SPG7: variants seen among roughly 807,000 people sequenced by gnomAD.
The protein encoded by SPG7 is SPG7 matrix AAA peptidase subunit, paraplegin, also known as mitochondrial inner membrane m-AAA protease component paraplegin.
In SPG7, 103 loss-of-function variants were observed where a neutral mutation model predicts 81.9. The ratio of observed to expected loss-of-function variants is 1.26; its 90% CI spans 1.07 to 1.48. The LOEUF is 1.48. Among genes scored for constraint, SPG7 ranks in the 40% most tolerant of loss-of-function variants. The pLI, the probability that SPG7 is intolerant of heterozygous loss-of-function variation, is 0.00. For synonymous variants in SPG7, 534 were observed against 444.2 expected (o/e 1.20, Z -2.54); for missense variants, 1,241 against 1,087.3 (o/e 1.14, Z -1.99).
At chr16:89,515,371 C>T (rs575074886) in intron 3 of SPG7, among the ~76,000 whole-genome samples, 1 of 151,576 alleles carries the variant, frequency 6.6e-6, no homozygotes, top group African/African-American at 2.4e-5. Flanking sequence ...TGAGTTCAAG[C>T]GATTCTCCTG....
intron 2 of SPG7, among the ~76,000 whole-genome samples, chr16:89,512,603 G>A (rs923011149): frequency 2.6e-5 from 4 of 152,212 alleles, no homozygotes; most frequent in Admixed American, 6.5e-5. Flanking sequence ...GAGCCACCAC[G>A]CCTGGCGTGT....
intron 6 of SPG7, chr16:89,530,321 AT>A (rs34909279): frequency 2.9e-6 from 1 of 339,980 alleles, no homozygotes; most frequent in Non-Finnish European, 5.7e-6. Flanking sequence ...ATTTTTTTGT[AT>A]TTTTGGTAGA....
rs1319347094 is a variant in SPG7 at position 89,508,450 on chromosome 16, C to T, written c.33C>T (p.Leu11=). The T allele has an allele frequency of 1.3e-5, 19 of 1,503,216 alleles. No homozygotes were observed. Among genetic ancestry groups the T allele is most frequent in the Non-Finnish European group, 1.2e-5 (14 of 1,133,224 alleles). 93.1% of individuals were successfully genotyped at this position (1,503,216 alleles called of 1,614,324 possible). ...TGCTGCTGCTGCTGCTCCGTGCCCT[C>T]CGCCGGGGTCCAGGCCCGGGTCCTC... MAVLLLLLRA[L]RRGPGPGPRP... Residue 11 remains leucine, a synonymous_variant, in exon 1 of 17, where the codon CTC becomes CTT. Transcript: ENST00000645818.
intron 12 of SPG7, 116 bp from the exon 13 acceptor site, chr16:89,550,378 G>T (rs999788586): frequency 2.6e-6 from 2 of 766,802 alleles, no homozygotes; most frequent in Non-Finnish European, 4.7e-6. Context: ...TCACCATATT[G>T]GTCGGGCTGG....
chr16:89,539,984 G>C (rs563714096), intron 9 of SPG7: 1 of 152,314 alleles, frequency 6.6e-6, no homozygotes, highest in Non-Finnish European at 1.5e-5. Flanking sequence ...CTGTGGAAAA[G>C]TGCTCCAGCC....
chr16:89,537,439 T>A (rs987072526), intron 9 of SPG7: 25 of 1,021,968 alleles, frequency 2.4e-5, no homozygotes, highest in Non-Finnish European at 2.9e-5. Flanking sequence ...CAGGCCTCCC[T>A]TCAACGTAGT....
intron 14 of SPG7, 65 bp from the exon 15 acceptor site, chr16:89,553,729 T>G: frequency 1.3e-6 from 2 of 1,539,452 alleles, no homozygotes; most frequent in Non-Finnish European, 1.8e-6. Context: ...CCGGGACACC[T>G]GGGGCCCAGC....
At chr16:89,544,298 CAAT>C in intron 9 of SPG7, 3 of 314,162 alleles carry the variant, frequency 9.5e-6, no homozygotes, top group Admixed American at 1.1e-4. Context: ...TACAAAGTCA[CAAT>C]AATGATGACA....
chr16:89,544,905 G>T (rs909867683), intron 10 of SPG7, 133 bp downstream of exon 10: 2 of 1,147,734 alleles, frequency 1.7e-6, no homozygotes, highest in Non-Finnish European at 2.5e-6. Flanking sequence ...GCAGTGTCCA[G>T]CGTGGCCCCC....
chr16:89,512,799 T>C, intron 2 of SPG7, 149 bp from the exon 3 acceptor site: 2 of 750,470 alleles, frequency 2.7e-6, no homozygotes, highest in Non-Finnish European at 2.3e-6. Flanking sequence ...GGATATGCTT[T>C]ATTTCATATT....
chr16:89,539,488 G>A (rs111430511), intron 9 of SPG7: 4,984 of 152,212 alleles, frequency 0.033, 116 homozygotes, highest in Non-Finnish European at 0.049. Flanking sequence ...AAAAAAGAGC[G>A]AAACTCCTTC....
intron 3 of SPG7, chr16:89,522,817 C>T (rs546794892): frequency 2.4e-4 from 37 of 152,644 alleles, no homozygotes; most frequent in East Asian, 9.6e-4. Context: ...GTGACCCCTG[C>T]GGGCATTTTG....
chr16:89,541,862 T>C (rs572360844), intron 9 of SPG7: 1 of 151,632 alleles, frequency 6.6e-6, no homozygotes, highest in East Asian at 1.9e-4. Flanking sequence ...GAAGTCTGTA[T>C]CCTGAAACCA....
In SPG7 at chr16:89,553,785, G is replaced by C. The variant is rs371739639; in HGVS notation, c.1937-9G>C. 6.2e-7 allele frequency: 1 copy of C among 1,613,190 alleles called. No homozygotes were observed. The highest frequency in any genetic ancestry group is 1.7e-5 in the Admixed American group (1 of 60,008). On this transcript the variant is annotated splice_polypyrimidine_tract_variant and intron_variant, in intron 14 of 16. Coordinates refer to ENST00000645818, the MANE Select transcript of SPG7 (RefSeq NM_003119.4). ...CTGAGGATGCCTCTGTCTCGACCCC[G>C]CCCTCCAGGGGCACAGGACGACCTG...
At chr16:89,544,354 G>C (rs764088483) in intron 9 of SPG7, 2 of 406,152 alleles carry the variant, frequency 4.9e-6, no homozygotes, top group Non-Finnish European at 9.4e-6. Flanking sequence ...CCGGCTCCCA[G>C]ATGGCACCGT....
At chr16:89,528,673 C>T (rs148072729) in intron 5 of SPG7, 1 of 147,936 alleles carries the variant, frequency 6.8e-6, no homozygotes, top group African/African-American at 2.5e-5. Context: ...GTGGTGCAAT[C>T]TCAGCTTACT....
intron 3 of SPG7, chr16:89,523,574 C>T (rs536341268): frequency 1.3e-5 from 5 of 383,806 alleles, no homozygotes; most frequent in East Asian, 1.5e-4. Flanking sequence ...ACGGCTCGGA[C>T]GGCCTGGGAC....
chr16:89,512,433 C>A (rs2152394559), intron 2 of SPG7, among the ~76,000 whole-genome samples: 1 of 152,266 alleles, frequency 6.6e-6, no homozygotes, highest in South Asian at 2.1e-4. Flanking sequence ...CTGCCTCAGC[C>A]TCCCAAGTAG....
chr16:89,523,882 A>G, intron 3 of SPG7, 124 bp from the exon 4 acceptor site: 1 of 1,218,756 alleles, frequency 8.2e-7, no homozygotes, highest in Non-Finnish European at 1.2e-6. Context: ...GAGGAAGTGC[A>G]GGATCTTCTG....
Sources: gnomAD v4.1 joint callset for allele counts (sites outside exome capture counted in the v4.1 genomes callset) on GRCh38, gnomAD v4.1.1 for gene constraint, MANE v1.5 for transcripts, NCBI Gene and HGNC (gene_info 2026-07-23, HGNC 2026-07-21) for gene names.